Variants in OSBPL1A observed in about 807,000 individuals in gnomAD.
The protein encoded by OSBPL1A is oxysterol binding protein like 1A, also known as oxysterol-binding protein-related protein 1.
In OSBPL1A, 80 loss-of-function variants were observed where a neutral mutation model predicts 137.1. The ratio of observed to expected loss-of-function variants is 0.58; its 90% CI spans 0.49 to 0.70. The LOEUF (loss-of-function observed/expected upper bound fraction) is 0.70, where lower values mean the gene tolerates loss of function less well. Among genes scored for constraint, OSBPL1A ranks in the 30% least tolerant of loss-of-function variants. The pLI, the probability that OSBPL1A is intolerant of heterozygous loss-of-function variation, is 0.00. For missense variants in OSBPL1A, 970 were observed against 1,129.4 expected, an observed-to-expected ratio of 0.86 and a Z score of 2.02; for synonymous variants, 365 against 389.7, an observed-to-expected ratio of 0.94 and a Z score of 0.75.
At chr18:24,170,502 TA>T in intron 23 of OSBPL1A, 49 bp from the exon 24 acceptor site, 1 of 1,610,852 alleles carries the variant, frequency 6.2e-7, no homozygotes, top group East Asian at 2.2e-5. Flanking sequence ...TTTGTTTTTT[TA>T]AAGCCGACAG....
Position 24,271,768 on chromosome 18 carries a change from G to A in OSBPL1A, c.1281+9074C>T, listed in dbSNP as rs2089726178. ...CGGGAGGCGCGACCCAGGGCGGCCC[G>A]CAAGGTCTCCCTAAGTCACCTTTGC... On this transcript the variant is annotated intron_variant, in intron 15 of 27. Coordinates refer to ENST00000319481, the MANE Select transcript of OSBPL1A (RefSeq NM_080597.4). This position sits in a 1 kb window ranked among gnomAD's most constrained non-coding sequence, Gnocchi z 4.0. 3 of 985,360 alleles carry A rather than the reference G, an allele frequency of 3.0e-6. No individual in the cohort carries two copies. Among genetic ancestry groups the A allele is most frequent in the Admixed American group, 6.1e-5 (1 of 16,266 alleles). 61.0% of individuals were successfully genotyped at this position (985,360 alleles called of 1,614,324 possible).
intron 20 of OSBPL1A, among the ~76,000 whole-genome samples, chr18:24,178,691 T>G (rs2086519867): frequency 6.6e-6 from 1 of 152,164 alleles, no homozygotes. Flanking sequence ...GCTAGCTACT[T>G]GAACAAATTA....
chr18:24,369,133 T>C (rs1905409448), intron 2 of OSBPL1A, among the ~76,000 whole-genome samples: 1 of 152,118 alleles, frequency 6.6e-6, no homozygotes, highest in Non-Finnish European at 1.5e-5. Flanking sequence ...ACTAATACGA[T>C]TTGGAAAGCT....
chr18:24,167,532 C>T (rs1424440236), intron 24 of OSBPL1A, 87 bp from the exon 25 acceptor site: 48 of 1,089,142 alleles, frequency 4.4e-5, no homozygotes, highest in Non-Finnish European at 6.5e-5. Flanking sequence ...CAGTCAACAA[C>T]AGACTGTAAA....
intron 16 of OSBPL1A, among the ~76,000 whole-genome samples, chr18:24,228,610 G>A (rs558154357): frequency 6.6e-6 from 1 of 152,290 alleles, no homozygotes; most frequent in South Asian, 2.1e-4. Context: ...ATTTCTCTAG[G>A]TGATCACAGG....
At chr18:24,187,168 T>A (rs575449080) in intron 18 of OSBPL1A, among the ~76,000 whole-genome samples, 28 of 152,194 alleles carry the variant, frequency 1.8e-4, no homozygotes, top group African/African-American at 6.0e-4. Context: ...TGGGTAAGGT[T>A]GCTACAGATA....
At chr18:24,375,906 C>G (rs1318368989) in intron 2 of OSBPL1A, among the ~76,000 whole-genome samples, 1 of 152,054 alleles carries the variant, frequency 6.6e-6, no homozygotes, top group Admixed American at 6.6e-5. Context: ...CGCGGACCCT[C>G]GCGGTGAGTG....
intron 17 of OSBPL1A, among the ~76,000 whole-genome samples, chr18:24,210,851 G>A (rs2087517314): frequency 6.6e-6 from 1 of 152,024 alleles, no homozygotes; most frequent in Admixed American, 6.6e-5. Flanking sequence ...TTCTTTTAAT[G>A]TGGATTTTAT....
At position 24,163,019 on chromosome 18, in the gene OSBPL1A, C is replaced by T. The variant is rs753101613; in HGVS notation, c.*160G>A. On this transcript the variant is annotated 3_prime_UTR_variant, in exon 28 of 28. Transcript: ENST00000319481. ...TTCCTAAGACTTTCATCACCAATATCGCCTTATACCCTGCTTTTGTTGGGT... is the reference window on the plus strand; with the variant it reads ...TTCCTAAGACTTTCATCACCAATATTGCCTTATACCCTGCTTTTGTTGGGT... 8 of 504,740 alleles carry T rather than the reference C, an allele frequency of 1.6e-5. No individual in the cohort carries two copies. Among genetic ancestry groups the T allele is most frequent in the South Asian group, 1.1e-4 (4 of 35,458 alleles). The allele number at this position is 504,740 out of a possible 1,614,324, so 31.3% of individuals were successfully genotyped here. A position where few individuals can be genotyped will look rare whatever the true frequency, so the allele number is the denominator to read the frequency against.
At chr18:24,330,894 A>C (rs1035098396) in intron 7 of OSBPL1A, among the ~76,000 whole-genome samples, 1 of 152,074 alleles carries the variant, frequency 6.6e-6, no homozygotes, top group Non-Finnish European at 1.5e-5. Flanking sequence ...TCCTGGGTTC[A>C]AGCAATTCTC....
Position 24,231,906 on chromosome 18 carries a change from G to C in OSBPL1A, c.1445-6708C>G, listed in dbSNP as rs76085195. On this transcript the variant is annotated intron_variant, in intron 16 of 27. Coordinates refer to ENST00000319481, the MANE Select transcript of OSBPL1A (RefSeq NM_080597.4). ...ATCCTGATAAGCACTTTTTTATCCT[G>C]ACCTTTGGAAACCAGCCTGAGAACA... is the stretch of plus-strand genomic sequence containing the variant. Among the ~76,000 whole-genome samples, 474 of 152,218 alleles carry C rather than the reference G, an allele frequency of 3.1e-3. 3 individuals carry two copies. The highest frequency in any genetic ancestry group is 0.011 in the African/African-American group (453 of 41,532).
At position 24,373,090 on chromosome 18, in the gene OSBPL1A, T is replaced by G. The variant is rs531616915; in HGVS notation, c.121+4323A>C. ...CAAAAAAAGAAAAAAATTTCCAAGATCCTACATTTACTCTTAAAATACTTC... is the reference window on the plus strand; with the variant it reads ...CAAAAAAAGAAAAAAATTTCCAAGAGCCTACATTTACTCTTAAAATACTTC... On this transcript the variant is annotated intron_variant, in intron 2 of 27. Coordinates refer to ENST00000319481, the MANE Select transcript of OSBPL1A (RefSeq NM_080597.4). 2.0e-5 allele frequency among the ~76,000 whole-genome samples: 3 copies of G among 152,180 alleles called. No individual in the cohort carries two copies. The South Asian group carries it at 6.2e-4, about 32-fold the overall frequency.
intron 18 of OSBPL1A, among the ~76,000 whole-genome samples, chr18:24,186,910 A>T (rs1254446260): frequency 3.4e-5 from 1 of 29,534 alleles, no homozygotes; most frequent in African/African-American, 5.0e-5. Flanking sequence ...TCTCAAAAAA[A>T]AAAAAAAAAA....
chr18:24,205,820 T>C (rs143356744), intron 17 of OSBPL1A, among the ~76,000 whole-genome samples: 3 of 152,358 alleles, frequency 2.0e-5, no homozygotes, highest in East Asian at 1.9e-4. Flanking sequence ...AAATTGTTTC[T>C]ATTGCCCTGG....
chr18:24,378,799 A>T (rs1364924200), intron 1 of OSBPL1A, among the ~76,000 whole-genome samples: 1 of 152,180 alleles, frequency 6.6e-6, no homozygotes, highest in Admixed American at 6.5e-5. Context: ...CCTCTATGAG[A>T]CTTAGCTGGT....
intron 12 of OSBPL1A, among the ~76,000 whole-genome samples, chr18:24,313,965 C>T (rs972416358): frequency 1.3e-5 from 2 of 151,882 alleles, no homozygotes; most frequent in South Asian, 2.1e-4. Context: ...ATTAGCCAGG[C>T]GTATTGGCAC....
intron 7 of OSBPL1A, among the ~76,000 whole-genome samples, chr18:24,327,644 A>G (rs1432612471): frequency 6.6e-6 from 1 of 152,072 alleles, no homozygotes; most frequent in Non-Finnish European, 1.5e-5. Flanking sequence ...CCTGACCTCA[A>G]ATTATCCGCC....
intron 4 of OSBPL1A, among the ~76,000 whole-genome samples, chr18:24,362,846 A>G (rs1007042878): frequency 3.3e-5 from 5 of 152,248 alleles, no homozygotes; most frequent in African/African-American, 9.6e-5. Flanking sequence ...CTGGATATCC[A>G]TTAAAGAAAC....
At chr18:24,268,551 A>T (rs2089639814) in intron 15 of OSBPL1A, among the ~76,000 whole-genome samples, 1 of 150,974 alleles carries the variant, frequency 6.6e-6, no homozygotes. Context: ...GTTTTTTAGA[A>T]AAAATAAAGG....
Sources: gnomAD v4.1 joint callset for allele counts (sites outside exome capture counted in the v4.1 genomes callset) on GRCh38, gnomAD v4.1.1 for gene constraint, Gnocchi (gnomAD v3.1) non-coding constraint, MANE v1.5 for transcripts, NCBI Gene and HGNC (gene_info 2026-07-23, HGNC 2026-07-21) for gene names.